The following ZBTB7C variants were observed in gnomAD, a reference collection of about 807,000 sequenced individuals.
ZBTB7C encodes the protein zinc finger and BTB domain-containing protein 7C.
Under a neutral mutation model 25.7 loss-of-function variants are expected in ZBTB7C, and 8 were observed. The observed-to-expected ratio is 0.31, with a 90% CI of 0.18 to 0.56. The LOEUF (loss-of-function observed/expected upper bound fraction) is 0.56, where lower values mean the gene tolerates loss of function less well. Ranked by LOEUF, ZBTB7C falls within the 20% of genes least tolerant of loss-of-function variation. The pLI is 0.91. For missense variants in ZBTB7C, 824 were observed against 855.2 expected, an observed-to-expected ratio of 0.96 and a Z score of 0.46; for synonymous variants, 394 against 369.0, an observed-to-expected ratio of 1.07 and a Z score of -0.78.
At chr18:48,281,064 G>A (rs2044831756) in intron 2 of ZBTB7C, among the ~76,000 whole-genome samples, 1 of 152,012 alleles carries the variant, frequency 6.6e-6, no homozygotes, top group African/African-American at 2.4e-5. Flanking sequence ...ATGTTGGCCA[G>A]ACTGGTCTCG....
intron 2 of ZBTB7C, among the ~76,000 whole-genome samples, chr18:48,218,450 T>C (rs1410372536): frequency 6.6e-6 from 1 of 152,226 alleles, no homozygotes; most frequent in Admixed American, 6.5e-5. Flanking sequence ...GCAGGCCTTC[T>C]ATACACACTT....
intron 2 of ZBTB7C, among the ~76,000 whole-genome samples, chr18:48,194,824 G>T (rs1031049685): frequency 5.3e-5 from 8 of 151,530 alleles, no homozygotes; most frequent in African/African-American, 1.9e-4. Flanking sequence ...GAACAGATGA[G>T]GAGGAGTGGG....
intron 2 of ZBTB7C, among the ~76,000 whole-genome samples, chr18:48,271,877 T>C (rs1364139573): frequency 6.6e-6 from 1 of 152,094 alleles, no homozygotes; most frequent in Admixed American, 6.6e-5. Flanking sequence ...ATAATGAAAA[T>C]TTAGATGTAT....
At chr18:48,046,444 C>G (rs1294499975) in intron 3 of ZBTB7C, among the ~76,000 whole-genome samples, 1 of 152,154 alleles carries the variant, frequency 6.6e-6, no homozygotes, top group African/African-American at 2.4e-5. Flanking sequence ...ATGAAACGAC[C>G]CTTCCACTGT....
chr18:48,097,544 G>A (rs943241688), intron 3 of ZBTB7C, among the ~76,000 whole-genome samples: 8 of 152,228 alleles, frequency 5.3e-5, no homozygotes, highest in Non-Finnish European at 1.2e-4. Flanking sequence ...CTACAGGCGT[G>A]TGCCACCATG....
chr18:48,356,401 G>GT (rs2046979000), intron 1 of ZBTB7C, among the ~76,000 whole-genome samples: 1 of 152,176 alleles, frequency 6.6e-6, no homozygotes, highest in Non-Finnish European at 1.5e-5. Flanking sequence ...TAGCTGGGTG[G>GT]TTACATTATT....
At chr18:48,372,608 T>C (rs1316498246) in intron 1 of ZBTB7C, among the ~76,000 whole-genome samples, 1 of 152,150 alleles carries the variant, frequency 6.6e-6, no homozygotes, top group Non-Finnish European at 1.5e-5. Flanking sequence ...AATGATTGAC[T>C]AACAAAACTT....
intron 2 of ZBTB7C, among the ~76,000 whole-genome samples, chr18:48,328,936 G>A (rs996733590): frequency 2.0e-5 from 3 of 152,174 alleles, no homozygotes; most frequent in African/African-American, 7.2e-5. Flanking sequence ...ATTTAAAGAT[G>A]AACCATTAAC....
intron 1 of ZBTB7C, among the ~76,000 whole-genome samples, chr18:48,362,468 C>T (rs2047130569): frequency 6.6e-6 from 1 of 152,180 alleles, no homozygotes; most frequent in South Asian, 2.1e-4. Context: ...TTATCCCTTT[C>T]CATGTGTAAG....
At chr18:48,277,908 C>A (rs1416374386) in intron 2 of ZBTB7C, among the ~76,000 whole-genome samples, 1 of 151,520 alleles carries the variant, frequency 6.6e-6, no homozygotes, top group African/African-American at 2.4e-5. Flanking sequence ...TTTGAGGATG[C>A]AAGGGGGAGG....
intron 2 of ZBTB7C, among the ~76,000 whole-genome samples, chr18:48,275,239 T>C (rs76003159): frequency 0.032 from 4,920 of 152,318 alleles, 129 homozygotes; most frequent in African/African-American, 0.071. Flanking sequence ...TGCTAATGAC[T>C]GGCCCCAGAT....
intron 1 of ZBTB7C, among the ~76,000 whole-genome samples, chr18:48,407,285 T>C (rs778190535): frequency 3.9e-5 from 6 of 152,214 alleles, no homozygotes; most frequent in Admixed American, 1.3e-4. Context: ...GAAAAAAAGC[T>C]GCAAATTCTT....
intron 3 of ZBTB7C, among the ~76,000 whole-genome samples, chr18:48,048,964 T>G (rs1252928453): frequency 6.6e-6 from 1 of 152,176 alleles, no homozygotes; most frequent in Non-Finnish European, 1.5e-5. Flanking sequence ...CCAGGCCACA[T>G]GGCAAATCAG....
At chr18:48,177,289 TTGAC>T (rs1470567132) in intron 3 of ZBTB7C, among the ~76,000 whole-genome samples, 1 of 152,142 alleles carries the variant, frequency 6.6e-6, no homozygotes, top group Admixed American at 6.5e-5. Flanking sequence ...GCTCTCTGCC[TTGAC>T]CACTTGCCCT....
intron 3 of ZBTB7C, among the ~76,000 whole-genome samples, chr18:48,157,854 C>T (rs1478900455): frequency 2.6e-5 from 4 of 152,316 alleles, no homozygotes; most frequent in Non-Finnish European, 5.9e-5. Context: ...AACTCCCAAA[C>T]CAAAATGGGA....
At chr18:48,115,646 A>G (rs1442614931) in intron 3 of ZBTB7C, among the ~76,000 whole-genome samples, 4 of 152,166 alleles carry the variant, frequency 2.6e-5, no homozygotes, top group Non-Finnish European at 2.9e-5. Context: ...CCTTTTGGCT[A>G]TCGGGAATAA....
intron 4 of ZBTB7C, 22 bp from the exon 5 acceptor site, chr18:48,029,933 T>C (rs1387925297): frequency 1.2e-6 from 2 of 1,608,684 alleles, no homozygotes; most frequent in African/African-American, 2.7e-5. Context: ...AGACTGGGGG[T>C]CAGTCCCGCA....
intron 2 of ZBTB7C, among the ~76,000 whole-genome samples, chr18:48,307,804 C>T (rs578117830): frequency 6.6e-6 from 1 of 152,132 alleles, no homozygotes; most frequent in African/African-American, 2.4e-5. Context: ...GCTGAGATCA[C>T]GCCACAGCAC....
At chr18:48,030,018 G>A (rs900124178) in intron 4 of ZBTB7C, 107 bp from the exon 5 acceptor site, 1 of 1,447,430 alleles carries the variant, frequency 6.9e-7, no homozygotes, top group Non-Finnish European at 9.4e-7. Flanking sequence ...TACTGCCATG[G>A]AGTCAAACCC....
Sources: allele counts gnomAD v4.1 joint callset (sites outside exome capture counted in the v4.1 genomes callset), GRCh38; gene constraint gnomAD v4.1.1; transcripts MANE v1.5; gene names NCBI Gene and HGNC (gene_info 2026-07-23, HGNC 2026-07-21).